The following MCF2L variants were observed in gnomAD, a reference collection of about 807,000 sequenced individuals.
MCF2L encodes the protein MCF.2 cell line derived transforming sequence like, also known as guanine nucleotide exchange factor DBS.
MCF2L carries 97 observed loss-of-function variants against 153.4 expected under a neutral mutation model. The ratio of observed to expected loss-of-function variants is 0.63; its 90% CI spans 0.54 to 0.75. The LOEUF (loss-of-function observed/expected upper bound fraction) is 0.75. Among genes scored for constraint, MCF2L ranks in the 30% least tolerant of loss-of-function variants. The probability of loss-of-function intolerance (pLI) is 0.00; values close to 1 mark genes in which losing one functional copy is unlikely to be tolerated. For missense variants in MCF2L, 1,347 were observed against 1,495.2 expected, an observed-to-expected ratio of 0.90 and a Z score of 1.64; for synonymous variants, 659 against 632.2, an observed-to-expected ratio of 1.04 and a Z score of -0.64.
At chr13:113,019,141 G>A (rs534429677) in intron 2 of MCF2L, among the ~76,000 whole-genome samples, 3 of 152,288 alleles carry the variant, frequency 2.0e-5, no homozygotes, top group East Asian at 1.9e-4. Flanking sequence ...ACCCCATTTC[G>A]GTTTTGGTCC....
chr13:113,086,570 C>A (rs914911798), intron 21 of MCF2L, among the ~76,000 whole-genome samples: 3 of 152,156 alleles, frequency 2.0e-5, no homozygotes, highest in African/African-American at 7.2e-5. Flanking sequence ...GGGGAGGAGG[C>A]GTGGCTCGGA....
intron 2 of MCF2L, among the ~76,000 whole-genome samples, chr13:112,927,956 C>T (rs2140604174): frequency 6.6e-6 from 1 of 152,300 alleles, no homozygotes; most frequent in East Asian, 1.9e-4. Context: ...GATTTTGATC[C>T]TAGTTCAAAC....
chr13:113,043,575 C>T (rs1256524579), intron 3 of MCF2L: 4 of 152,206 alleles, frequency 2.6e-5, no homozygotes, highest in Non-Finnish European at 5.9e-5. Context: ...TTGTGCCTCT[C>T]CCAAGGGAGC....
At chr13:113,036,716 G>A (rs1210805917) in intron 3 of MCF2L, among the ~76,000 whole-genome samples, 3 of 152,234 alleles carry the variant, frequency 2.0e-5, no homozygotes, top group Admixed American at 6.5e-5. Context: ...AGGTGTCTGC[G>A]ATATCATGCT....
rs1005007268 is a variant in MCF2L, at chr13:112,960,463, C to T, written c.170-54300C>T. On this transcript the variant is annotated intron_variant, in intron 2 of 29. Coordinates refer to the MCF2L transcript ENST00000375608. The surrounding 1 kb of genome is among the most constrained non-coding windows in gnomAD (Gnocchi z 4.2). ...AAACCCCAGCAGACTGCCTTGTCCCCTGCTCATTTTGGTTGTTGCATTGAA... is the reference window on the plus strand; with the variant it reads ...AAACCCCAGCAGACTGCCTTGTCCCTTGCTCATTTTGGTTGTTGCATTGAA... Among the ~76,000 whole-genome samples the T allele has an allele frequency of 5.3e-5, 8 of 152,256 alleles. No homozygotes were observed. Among genetic ancestry groups the T allele is most frequent in the Admixed American group, 5.2e-4 (8 of 15,308 alleles).
chr13:112,948,410 G>GA (rs1323476503), intron 2 of MCF2L, among the ~76,000 whole-genome samples: 9 of 152,060 alleles, frequency 5.9e-5, no homozygotes, highest in Admixed American at 2.0e-4. Context: ...AGCAGTTAAG[G>GA]AAAACTATTC....
rs2084403423 is a variant in MCF2L, at chr13:113,014,796, G to A, written c.113G>A (p.Cys38Tyr). ...ATGCACCAGGACATCGTCCCGCTCT[G>A]TGCTGCCGACATCCAGGACCAGCTA... Reference protein sequence around the residue: ...EIMHQDIVPLCAADIQDQLKK... With the variant: ...EIMHQDIVPLYAADIQDQLKK... Residue 38 changes from cysteine to tyrosine, a missense_variant, in exon 2 of 30, where the codon TGT (cysteine) becomes TAT (tyrosine). Transcript: ENST00000535094. 13 of 1,613,980 alleles carry A rather than the reference G, an allele frequency of 8.1e-6. No individual in the cohort carries two copies. Among genetic ancestry groups the A allele is most frequent in the Non-Finnish European group, 1.1e-5 (13 of 1,180,046 alleles).
intron 2 of MCF2L, among the ~76,000 whole-genome samples, chr13:112,940,815 A>T (rs1282068463): frequency 3.3e-5 from 2 of 59,770 alleles, no homozygotes; most frequent in Admixed American, 1.7e-4. Flanking sequence ...TGAGCACTTA[A>T]AAAAAAATCA....
chr13:113,026,737 T>C (rs2085335310), intron 3 of MCF2L: 2 of 594,306 alleles, frequency 3.4e-6, no homozygotes, highest in East Asian at 2.8e-5. Context: ...AGGAAAGAAC[T>C]GACCCCAGAG....
At chr13:113,069,558 T>A (rs2032643026) in intron 8 of MCF2L, among the ~76,000 whole-genome samples, 2 of 78,482 alleles carry the variant, frequency 2.5e-5, no homozygotes, top group African/African-American at 5.6e-5. Context: ...TGCACCTGGG[T>A]GGTGCACAGC....
intron 21 of MCF2L, 58 bp from the exon 22 acceptor site, chr13:113,087,177 G>A (rs919045169): frequency 2.3e-5 from 33 of 1,449,200 alleles, no homozygotes; most frequent in South Asian, 1.5e-4. Context: ...TCAGCGATGC[G>A]CGTCCATGGC....
At chr13:112,909,205 A>G in intron 2 of MCF2L, 1 of 779,408 alleles carries the variant, frequency 1.3e-6, no homozygotes, top group Non-Finnish European at 2.4e-6. Flanking sequence ...GAGCCCCTGT[A>G]ACCAACCTCT....
chr13:113,084,694 G>A, intron 18 of MCF2L, 198 bp from the exon 19 acceptor site: 3 of 595,002 alleles, frequency 5.0e-6, no homozygotes, highest in South Asian at 2.0e-5. Context: ...ATTAATGGAG[G>A]GCAGGCCCCC....
chr13:113,014,451 C>G (rs1241183585), intron 1 of MCF2L, among the ~76,000 whole-genome samples: 1 of 152,196 alleles, frequency 6.6e-6, no homozygotes, highest in Non-Finnish European at 1.5e-5. Context: ...AAGCCCTTTC[C>G]CACTGCTCCC....
chr13:113,073,300 T>A (rs4907584), intron 9 of MCF2L, among the ~76,000 whole-genome samples: 1 of 152,094 alleles, frequency 6.6e-6, no homozygotes, highest in Non-Finnish European at 1.5e-5. Flanking sequence ...TATTGTTAGG[T>A]GAAGTTTTAT....
chr13:113,084,290 AC>A (rs1276591667), intron 18 of MCF2L, among the ~76,000 whole-genome samples: 11 of 83,844 alleles, frequency 1.3e-4, no homozygotes, highest in African/African-American at 2.3e-4. Context: ...AACGTCCTGA[AC>A]CCCCAGAACC....
rs2081596936 is a variant in MCF2L at position 112,943,410 on chromosome 13, G to C, written c.169+41039G>C. Among the ~76,000 whole-genome samples, 1 of 125,796 alleles carries C rather than the reference G, an allele frequency of 7.9e-6. No individual in the cohort carries two copies. The highest frequency in any genetic ancestry group is 1.7e-5 in the Non-Finnish European group (1 of 58,254). 82.5% of individuals were successfully genotyped at this position (125,796 alleles called of 152,430 possible). A position where few individuals can be genotyped will look rare whatever the true frequency, so the allele number is the denominator to read the frequency against. On this transcript the variant is annotated intron_variant, in intron 2 of 29. Coordinates refer to the MCF2L transcript ENST00000375608. This position sits in a 1 kb window ranked among gnomAD's most constrained non-coding sequence, Gnocchi z 4.2. ...CGGTCCCCGGCTCCGCGCCGCAGGC[G>C]TGAACGCCCAACGGAGGGCGCCGGC...
rs555049252 is a variant in MCF2L at position 113,050,303 on chromosome 13, AGAGT to A, written c.369+4948_369+4951del. On this transcript the variant is annotated intron_variant, in intron 4 of 29. Transcript: ENST00000535094. Reference sequence around the variant, plus strand: ...GTGAGTGTGAGAGTGTGTGTGTGTGAGAGTGAGTGTGTGTGTGCGTGTTCACATT... The same window carrying A: ...GTGAGTGTGAGAGTGTGTGTGTGTGAGAGTGTGTGTGTGCGTGTTCACATT... Among the ~76,000 whole-genome samples, 643 of 134,586 alleles carry A rather than the reference AGAGT, an allele frequency of 4.8e-3. 5 individuals carry two copies. Among genetic ancestry groups the A allele is most frequent in the African/African-American group, 0.015 (559 of 36,168 alleles). 88.3% of individuals were successfully genotyped at this position (134,586 alleles called of 152,430 possible). A position where few individuals can be genotyped will look rare whatever the true frequency, so the allele number is the denominator to read the frequency against.
At chr13:112,947,404 A>G (rs541205707) in intron 2 of MCF2L, among the ~76,000 whole-genome samples, 7 of 152,212 alleles carry the variant, frequency 4.6e-5, no homozygotes, top group Non-Finnish European at 1.0e-4. Context: ...CCTCTAAATA[A>G]GGTGTGACTG....
Sources: gnomAD v4.1 joint callset for allele counts (sites outside exome capture counted in the v4.1 genomes callset) on GRCh38, gnomAD v4.1.1 for gene constraint, Gnocchi (gnomAD v3.1) non-coding constraint, MANE v1.5 for transcripts, NCBI Gene and HGNC (gene_info 2026-07-23, HGNC 2026-07-21) for gene names.